The following SLC9A2 variants were observed in gnomAD, a reference collection of about 807,000 sequenced individuals.
The protein encoded by SLC9A2 is sodium/hydrogen exchanger 2.
Under a neutral mutation model 71.7 loss-of-function variants are expected in SLC9A2, and 42 were observed. The observed-to-expected ratio is 0.59, with a 90% CI of 0.46 to 0.76. SLC9A2 has a LOEUF of 0.76. Ranked by LOEUF, SLC9A2 falls within the 30% of genes least tolerant of loss-of-function variation. SLC9A2 has a pLI of 0.00. For missense variants in SLC9A2, 829 were observed against 1,017.4 expected (o/e 0.81, Z 2.52); for synonymous variants, 396 against 392.5 (o/e 1.01, Z -0.10).
chr2:102,621,979 C>T (rs964022903), intron 1 of SLC9A2, among the ~76,000 whole-genome samples: 11 of 152,246 alleles, frequency 7.2e-5, no homozygotes, highest in African/African-American at 2.6e-4. Flanking sequence ...AAACCGGAAG[C>T]AAATCTTCAT....
chr2:102,622,839 C>T (rs1354316048), intron 1 of SLC9A2, among the ~76,000 whole-genome samples: 1 of 152,220 alleles, frequency 6.6e-6, no homozygotes, highest in East Asian at 1.9e-4. Context: ...AGAACCTTTT[C>T]CACTGTTGAC....
At chr2:102,621,094 T>G (rs1251895445) in intron 1 of SLC9A2, among the ~76,000 whole-genome samples, 2 of 152,040 alleles carry the variant, frequency 1.3e-5, no homozygotes, top group Non-Finnish European at 2.9e-5. Flanking sequence ...AGGCGGAGGT[T>G]GCATTGAACC....
chr2:102,689,228 T>C (rs1189124574), intron 5 of SLC9A2, among the ~76,000 whole-genome samples: 1 of 152,200 alleles, frequency 6.6e-6, no homozygotes, highest in Non-Finnish European at 1.5e-5. Flanking sequence ...GCCCATGTCA[T>C]GGGCTGTATT....
chr2:102,652,514 C>G (rs1221280432), intron 1 of SLC9A2, among the ~76,000 whole-genome samples: 1 of 152,168 alleles, frequency 6.6e-6, no homozygotes, highest in Non-Finnish European at 1.5e-5. Context: ...AATGCCACCT[C>G]CTCCATGAAG....
In SLC9A2 at chr2:102,622,315, ACCTGTTC is replaced by A. The variant is rs72310845; in HGVS notation, c.289+2184_289+2190del. On this transcript the variant is annotated intron_variant, in intron 1 of 11. Coordinates refer to ENST00000233969, the MANE Select transcript of SLC9A2 (RefSeq NM_003048.6). ...ACAAAGTGGCGAGCCAAAATGAATG[ACCTGTTC>A]CCTGTCACTCTCTCTGAGCCTCAAG... 8.0e-3 allele frequency among the ~76,000 whole-genome samples: 1,211 copies of A among 152,158 alleles called. 36 individuals carry two copies. Among genetic ancestry groups the A allele is most frequent in the Admixed American group, 0.057 (868 of 15,284 alleles).
intron 2 of SLC9A2, among the ~76,000 whole-genome samples, chr2:102,664,535 T>C (rs1373551004): frequency 6.6e-6 from 1 of 151,556 alleles, no homozygotes; most frequent in Non-Finnish European, 1.5e-5. Context: ...GTGTCTCAGT[T>C]ACACCAGACA....
chr2:102,645,146 C>T (rs1036232019), intron 1 of SLC9A2, among the ~76,000 whole-genome samples: 8 of 152,192 alleles, frequency 5.3e-5, no homozygotes, highest in Admixed American at 2.0e-4. Flanking sequence ...GCTGGTAATG[C>T]CCAGGCAAAC....
chr2:102,654,809 C>T (rs894294247), intron 1 of SLC9A2, among the ~76,000 whole-genome samples: 2 of 152,192 alleles, frequency 1.3e-5, no homozygotes, highest in South Asian at 4.1e-4. Context: ...ACCAGCCTAT[C>T]GCTCCTAGTC....
At chr2:102,688,091 T>C (rs146118518) in intron 5 of SLC9A2, among the ~76,000 whole-genome samples, 1 of 152,306 alleles carries the variant, frequency 6.6e-6, no homozygotes, top group African/African-American at 2.4e-5. Flanking sequence ...CGTGGAATAT[T>C]GAATGAGGAA....
At chr2:102,704,915 C>T (rs1340046545) in intron 10 of SLC9A2, among the ~76,000 whole-genome samples, 1 of 152,084 alleles carries the variant, frequency 6.6e-6, no homozygotes. Context: ...ATATCGTGGG[C>T]CGGTCGTGGT....
At chr2:102,668,047 C>A (rs777308132) in intron 3 of SLC9A2, among the ~76,000 whole-genome samples, 1 of 151,730 alleles carries the variant, frequency 6.6e-6, no homozygotes, top group Non-Finnish European at 1.5e-5. Context: ...GCCCTCCAGC[C>A]CAGACAACAG....
intron 1 of SLC9A2, 82 bp downstream of exon 1, chr2:102,620,219 C>T (rs1676108902): frequency 4.8e-6 from 6 of 1,249,914 alleles, no homozygotes; most frequent in East Asian, 2.6e-5. Flanking sequence ...GCCAGCTGAC[C>T]TCTAGATAGT....
At position 102,687,412 on chromosome 2, in the gene SLC9A2, T is replaced by C. The variant is rs1331348489; in HGVS notation, c.1425+3076T>C. 4.6e-5 allele frequency among the ~76,000 whole-genome samples: 7 copies of C among 152,292 alleles called. No individual in the cohort carries two copies. In the East Asian group the frequency reaches 1.4e-3, roughly 29 times the overall value. On this transcript the variant is annotated intron_variant, in intron 5 of 11. Transcript: ENST00000233969. ...TCAGTGAAGGAAGCCTGGAGGGAAA[T>C]ACTTGATGAGATATAAATATAGCAG...
intron 1 of SLC9A2, among the ~76,000 whole-genome samples, chr2:102,632,523 T>C (rs1325144736): frequency 6.6e-6 from 1 of 152,132 alleles, no homozygotes; most frequent in Non-Finnish European, 1.5e-5. Context: ...GCAACAGTCC[T>C]GTGCATTGTT....
intron 1 of SLC9A2, among the ~76,000 whole-genome samples, chr2:102,645,136 G>A (rs1278169748): frequency 6.6e-6 from 1 of 152,206 alleles, no homozygotes; most frequent in Non-Finnish European, 1.5e-5. Flanking sequence ...TGCAGCCTCC[G>A]CTGGTAATGC....
chr2:102,665,656 C>T (rs1371708441), intron 3 of SLC9A2, among the ~76,000 whole-genome samples: 1 of 151,344 alleles, frequency 6.6e-6, no homozygotes, highest in Non-Finnish European at 1.5e-5. Context: ...CCCCTGTAGT[C>T]CCAGCTACTC....
At chr2:102,660,427 C>T (rs1183563154) in intron 2 of SLC9A2, among the ~76,000 whole-genome samples, 1 of 152,198 alleles carries the variant, frequency 6.6e-6, no homozygotes, top group Non-Finnish European at 1.5e-5. Context: ...AAGCCAGACC[C>T]ACAAGATATC....
In SLC9A2 at chr2:102,665,289, T is replaced by C. The variant is rs749665671; in HGVS notation, c.943T>C (p.Phe315Leu). Residue 315 changes from phenylalanine (F) to leucine (L), a missense_variant, in exon 3 of 12, where the codon TTC (phenylalanine) becomes CTC (leucine). This residue lies in a region of SLC9A2 where 500 missense variants were observed against 726.3 expected (regional missense o/e 0.69). Coordinates refer to ENST00000233969, the MANE Select transcript of SLC9A2 (RefSeq NM_003048.6). ...NIRVIEPLFV[F>L]LYSYLSYITA... ...CCGAGTGATCGAGCCACTGTTTGTT[T>C]TCCTGTACAGTTATTTGTCCTACAT... is the stretch of plus-strand genomic sequence containing the variant. The C allele has an allele frequency of 6.2e-7, 1 of 1,614,046 alleles. No individual in the cohort carries two copies. Among genetic ancestry groups the C allele is most frequent in the African/African-American group, 1.3e-5 (1 of 74,916 alleles).
chr2:102,628,039 C>T (rs1676283720), intron 1 of SLC9A2, among the ~76,000 whole-genome samples: 1 of 152,012 alleles, frequency 6.6e-6, no homozygotes, highest in Non-Finnish European at 1.5e-5. Flanking sequence ...GACAATTCCC[C>T]TTATCAATTT....
Sources: allele counts gnomAD v4.1 joint callset (sites outside exome capture counted in the v4.1 genomes callset), GRCh38; gene constraint gnomAD v4.1.1; regional missense constraint gnomAD v4.1.1; transcripts MANE v1.5; gene names NCBI Gene and HGNC (gene_info 2026-07-23, HGNC 2026-07-21).